Variants in NBPF8 observed in about 807,000 individuals in gnomAD.
NBPF8 encodes the protein NBPF family member NBPF8.
chr1:120,434,547 C>T (rs1325346945), upstream of NBPF8, among the ~76,000 whole-genome samples: 12 of 150,382 alleles, frequency 8.0e-5, no homozygotes, highest in South Asian at 2.1e-4. Context: ...TGATGTTCCC[C>T]GTCCTGTGTC....
chr1:120,418,525 C>T (rs1553245594), upstream of NBPF8, among the ~76,000 whole-genome samples: 1 of 151,280 alleles, frequency 6.6e-6, no homozygotes, highest in Non-Finnish European at 1.5e-5. Context: ...TAGTATTCTA[C>T]ATAATAGTTT....
At chr1:120,417,094 G>T, upstream of NBPF8, among the ~76,000 whole-genome samples, 1 of 125,700 alleles carries the variant, frequency 8.0e-6, no homozygotes. Flanking sequence ...TTTTCAATCT[G>T]TAGCTTGCCT....
chr1:120,453,526 G>T (rs1553249228), intron 14 of NBPF8, 82 bp downstream of exon 12: 3 of 1,201,264 alleles, frequency 2.5e-6, no homozygotes, highest in Non-Finnish European at 3.6e-6. Context: ...TGGCATCTAT[G>T]ATGGGTCAAA....
chr1:120,451,548 G>C, intron 12 of NBPF8, among the ~76,000 whole-genome samples: 1 of 133,996 alleles, frequency 7.5e-6, no homozygotes, highest in Non-Finnish European at 1.6e-5. Context: ...TTAACCAAAG[G>C]AGTGTGAACC....
intron 13 of NBPF8, 63 bp from the exon 12 acceptor site, chr1:120,453,309 G>C (rs1383958972): frequency 1.6e-6 from 1 of 614,148 alleles, no homozygotes; most frequent in Non-Finnish European, 2.9e-6. Flanking sequence ...TTGCACATTG[G>C]GCTGACTGTG....
chr1:120,434,749 A>C (rs1254834431), upstream of NBPF8, among the ~76,000 whole-genome samples: 1 of 138,732 alleles, frequency 7.2e-6, no homozygotes, highest in Non-Finnish European at 1.5e-5. Context: ...CATATGTTGA[A>C]ATTATCTTAA....
At chr1:120,469,657 A>C (rs1661862026), downstream of NBPF8, among the ~76,000 whole-genome samples, 1 of 151,710 alleles carries the variant, frequency 6.6e-6, no homozygotes, top group African/African-American at 2.4e-5. Context: ...TTTATTGATA[A>C]TAAAGAACAC....
At chr1:120,452,676 C>T (rs1291919444) in intron 13 of NBPF8, among the ~76,000 whole-genome samples, 16 of 152,328 alleles carry the variant, frequency 1.1e-4, no homozygotes, top group East Asian at 1.9e-4. Context: ...GCTGTCTTTT[C>T]GGCAATGTTC....
intron 15 of NBPF8, among the ~76,000 whole-genome samples, chr1:120,454,702 GAT>G (rs1661385293): frequency 9.2e-5 from 2 of 21,762 alleles, no homozygotes; most frequent in African/African-American, 3.0e-4. Flanking sequence ...TAGCATCGTG[GAT>G]TTTTTTTTTT....
At chr1:120,418,854 G>A (rs1416957558), upstream of NBPF8, among the ~76,000 whole-genome samples, 1 of 151,444 alleles carries the variant, frequency 6.6e-6, no homozygotes, top group East Asian at 1.9e-4. Context: ...GGCCATTTTA[G>A]TTTTAATAAT....
At chr1:120,428,073 A>G (rs1199256061) in intron 3 of NBPF8, among the ~76,000 whole-genome samples, 23 of 152,194 alleles carry the variant, frequency 1.5e-4, no homozygotes, top group Admixed American at 9.2e-4. Flanking sequence ...TTTTTAATGC[A>G]TCTTAAGGTT....
chr1:120,449,567 C>G (rs1661198829), intron 11 of NBPF8, among the ~76,000 whole-genome samples, 165 bp downstream of exon 9: 1 of 151,980 alleles, frequency 6.6e-6, no homozygotes, highest in Non-Finnish European at 1.5e-5. Flanking sequence ...GACAGAGGTA[C>G]CAAAGTATTT....
chr1:120,416,680 G>A (rs1265032126), upstream of NBPF8, among the ~76,000 whole-genome samples: 6 of 133,822 alleles, frequency 4.5e-5, no homozygotes, highest in African/African-American at 1.4e-4. Context: ...TCAAGAAATA[G>A]AACATTACTA....
At chr1:120,416,199 C>A, upstream of NBPF8, among the ~76,000 whole-genome samples, 1 of 148,338 alleles carries the variant, frequency 6.7e-6, no homozygotes. Flanking sequence ...CACCAGTGAA[C>A]CAGAAGCTCT....
chr1:120,427,913 G>A (rs1265131420), intron 3 of NBPF8, among the ~76,000 whole-genome samples, 66 bp downstream of exon 3: 2 of 151,232 alleles, frequency 1.3e-5, no homozygotes, highest in Non-Finnish European at 2.9e-5. Flanking sequence ...GGCAGAGATG[G>A]GTCCTTTATT....
At chr1:120,427,013 C>T (rs1660745818) in intron 2 of NBPF8, among the ~76,000 whole-genome samples, 1 of 126,878 alleles carries the variant, frequency 7.9e-6, no homozygotes, top group Non-Finnish European at 1.7e-5. Context: ...TTCTTGAAAC[C>T]ATTATTATTT....
intron 15 of NBPF8, among the ~76,000 whole-genome samples, chr1:120,455,143 G>A (rs1444578604): frequency 2.6e-5 from 4 of 151,032 alleles, no homozygotes; most frequent in African/African-American, 9.7e-5. Context: ...ATTTTTTTGG[G>A]GAAAAAATTT....
chr1:120,464,288 C>G, intron 22 of NBPF8, 88 bp from the exon 21 acceptor site: 1 of 703,574 alleles, frequency 1.4e-6, no homozygotes, highest in Non-Finnish European at 2.6e-6. Flanking sequence ...TTTTTAACCA[C>G]TTCCTTATGC....
intron 1 of NBPF8, among the ~76,000 whole-genome samples, chr1:120,425,092 G>C (rs1168571005): frequency 4.0e-5 from 6 of 151,026 alleles, no homozygotes; most frequent in Non-Finnish European, 7.4e-5. Context: ...TATTGTCCAA[G>C]GTTTCTCCCC....
Sources: allele counts gnomAD v4.1 joint callset (sites outside exome capture counted in the v4.1 genomes callset), GRCh38; gene constraint gnomAD v4.1.1; transcripts MANE v1.5; gene names NCBI Gene and HGNC (gene_info 2026-07-23, HGNC 2026-07-21).